The following ARHGAP32 variants were observed in gnomAD, a reference collection of about 807,000 sequenced individuals.
ARHGAP32 encodes Rho GTPase activating protein 32.
A neutral mutation model predicts 186.5 loss-of-function variants in ARHGAP32; 51 were observed. The observed-to-expected ratio is 0.27, with a 90% CI of 0.22 to 0.35. ARHGAP32 has a LOEUF of 0.35. Among genes scored for constraint, ARHGAP32 ranks in the 10% least tolerant of loss-of-function variants. The probability of loss-of-function intolerance (pLI) is 1.00; values close to 1 mark genes in which losing one functional copy is unlikely to be tolerated. For synonymous variants in ARHGAP32, 950 were observed against 964.3 expected (o/e 0.99, Z 0.27); for missense variants, 2,186 against 2,623.5 (o/e 0.83, Z 3.64).
intron 1 of ARHGAP32, among the ~76,000 whole-genome samples, chr11:129,247,168 A>G (rs1039482405): frequency 1.4e-4 from 21 of 152,328 alleles, no homozygotes; most frequent in African/African-American, 5.1e-4. Flanking sequence ...CTTATTCCAC[A>G]ATTCTCAGGA....
chr11:129,025,807 A>G (rs537794417), intron 11 of ARHGAP32, among the ~76,000 whole-genome samples: 3 of 140,400 alleles, frequency 2.1e-5, no homozygotes, highest in Non-Finnish European at 1.6e-5. Context: ...ATCCATGTTT[A>G]TGTTATGTAA....
intron 1 of ARHGAP32, among the ~76,000 whole-genome samples, chr11:129,214,932 T>C (rs1450676953): frequency 6.6e-6 from 1 of 152,188 alleles, no homozygotes; most frequent in East Asian, 1.9e-4. Context: ...AAAACTTTAT[T>C]GACCAAAACA....
At chr11:129,132,711 C>T (rs1055163195) in intron 2 of ARHGAP32, among the ~76,000 whole-genome samples, 4 of 152,094 alleles carry the variant, frequency 2.6e-5, no homozygotes, top group African/African-American at 9.7e-5. Context: ...ATATCAAAAA[C>T]CAGACAAATA....
chr11:128,999,487 T>C (rs970921727), intron 11 of ARHGAP32, among the ~76,000 whole-genome samples: 3 of 152,176 alleles, frequency 2.0e-5, no homozygotes, highest in Non-Finnish European at 2.9e-5. Flanking sequence ...TGATGTTTTA[T>C]TGCCTTGTGA....
chr11:129,051,953 CAAAAAAAAAAAAAA>C lies in ARHGAP32; in HGVS notation c.963+10313_963+10326del, dbSNP rs36014500. Among the ~76,000 whole-genome samples the C allele has an allele frequency of 1.7e-4, 12 of 71,122 alleles. 1 individual carries two copies. In the South Asian group the frequency reaches 5.5e-3, roughly 33 times the overall value. 46.7% of individuals were successfully genotyped at this position (71,122 alleles called of 152,430 possible). ...CTGGTGACACAGCAAGATTCTGTCT[CAAAAAAAAAAAAAA>C]AAAAAAAAAAAAAGAGACATCTTCA... On this transcript the variant is annotated intron_variant, in intron 10 of 22. Transcript: ENST00000682385.
rs114250177 is a variant in ARHGAP32 at position 129,230,764 on chromosome 11, C to A, written c.-5+48382G>T. ...CCATATCAAACATCATACATCAAATCAATAACTGGTTAACTTGTAAAATAT... is the reference window on the plus strand; with the variant it reads ...CCATATCAAACATCATACATCAAATAAATAACTGGTTAACTTGTAAAATAT... On this transcript the variant is annotated intron_variant, in intron 1 of 6. Transcript: ENST00000525234. Among the ~76,000 whole-genome samples the A allele has an allele frequency of 2.1e-3, 323 of 152,160 alleles. 1 individual carries two copies. Among genetic ancestry groups the A allele is most frequent in the African/African-American group, 7.4e-3 (305 of 41,496 alleles).
intron 19 of ARHGAP32, 45 bp downstream of exon 19, chr11:128,978,725 G>A (rs199922338): frequency 1.3e-6 from 2 of 1,561,556 alleles, no homozygotes; most frequent in East Asian, 4.6e-5. Flanking sequence ...AACAACCGAA[G>A]ACCATCATGA....
intron 1 of ARHGAP32, among the ~76,000 whole-genome samples, chr11:129,270,495 C>CTTTTTTTTTTTTTTT: frequency 6.9e-6 from 1 of 145,886 alleles, no homozygotes; most frequent in Middle Eastern, 3.5e-3. Flanking sequence ...AAGAGTCAGT[C>CTTTTTTTTTTTTTTT]TTTTTTTTTT....
At chr11:129,266,530 T>C (rs887174827) in intron 1 of ARHGAP32, among the ~76,000 whole-genome samples, 1 of 152,150 alleles carries the variant, frequency 6.6e-6, no homozygotes, top group Non-Finnish European at 1.5e-5. Flanking sequence ...GGCCCATCTG[T>C]AACACATTCA....
At chr11:129,198,519 T>C (rs948002327) in intron 1 of ARHGAP32, among the ~76,000 whole-genome samples, 1 of 152,202 alleles carries the variant, frequency 6.6e-6, no homozygotes, top group Non-Finnish European at 1.5e-5. Flanking sequence ...TCACGAGATC[T>C]GATGGTTTTA....
chr11:128,990,686 A>G (rs1256691489), intron 12 of ARHGAP32, among the ~76,000 whole-genome samples: 1 of 152,200 alleles, frequency 6.6e-6, no homozygotes, highest in Non-Finnish European at 1.5e-5. Context: ...AATACATAGC[A>G]TCTTTATAAA....
chr11:128,970,285 C>A lies in ARHGAP32; in HGVS notation c.4928G>T (p.Arg1643Leu), dbSNP rs1363607024. 5 of 1,613,958 alleles carry A rather than the reference C, an allele frequency of 3.1e-6. No individual in the cohort carries two copies. The African/African-American group carries it at 4.0e-5, about 13-fold the overall frequency. Residue 1643 changes from arginine (R) to leucine (L), a missense_variant, in exon 23 of 23, where the codon CGC (arginine) becomes CTC (leucine). Coordinates refer to ENST00000682385, the MANE Select transcript of ARHGAP32 (RefSeq NM_001378024.1). This position sits in a 1 kb window ranked among gnomAD's most constrained non-coding sequence, Gnocchi z 5.8. ...AAGCTGAGTGACATGATAATCTGAG[C>A]GGGCCTGGGAGGACTGATATGGCTT... ...QYKPYQSSQARSDYHVTQLQP... is the reference protein window; with the variant it reads ...QYKPYQSSQALSDYHVTQLQP...
upstream of ARHGAP32, among the ~76,000 whole-genome samples, chr11:129,193,689 T>TTATATATTATATATTA (rs556754862): frequency 4.1e-5 from 1 of 24,420 alleles, no homozygotes; most frequent in Non-Finnish European, 7.5e-5. Context: ...ATAATATATA[T>TTATATATTATATATTA]TATATAATAT....
At chr11:129,134,886 T>C (rs1942900881) in intron 2 of ARHGAP32, among the ~76,000 whole-genome samples, 1 of 152,204 alleles carries the variant, frequency 6.6e-6, no homozygotes, top group Non-Finnish European at 1.5e-5. Flanking sequence ...CACCAGACAC[T>C]GAATCTGCTG....
In ARHGAP32 at chr11:129,134,083, A is replaced by C. The variant is rs1022500417; in HGVS notation, c.226-9189T>G. Among the ~76,000 whole-genome samples, 7 of 152,294 alleles carry C rather than the reference A, an allele frequency of 4.6e-5. No individual in the cohort carries two copies. The East Asian group carries it at 1.3e-3, about 29-fold the overall frequency. Reference sequence around the variant, plus strand: ...ATGAAAAGTTTAGTAAATTGGAACCAAGAGTATGTAAAAAAGATAAAAACA... The same window carrying C: ...ATGAAAAGTTTAGTAAATTGGAACCCAGAGTATGTAAAAAAGATAAAAACA... On this transcript the variant is annotated intron_variant, in intron 2 of 22. Transcript: ENST00000682385.
At chr11:129,157,315 G>A (rs1477566274) in intron 2 of ARHGAP32, among the ~76,000 whole-genome samples, 3 of 152,046 alleles carry the variant, frequency 2.0e-5, no homozygotes, top group Non-Finnish European at 4.4e-5. Flanking sequence ...CCAATGCAAG[G>A]AAGCTAAGAA....
intron 1 of ARHGAP32, among the ~76,000 whole-genome samples, chr11:129,253,645 C>T (rs1945215966): frequency 6.6e-6 from 1 of 152,048 alleles, no homozygotes; most frequent in Non-Finnish European, 1.5e-5. Context: ...TCAAAAATTA[C>T]TTATTATTAT....
intron 10 of ARHGAP32, among the ~76,000 whole-genome samples, chr11:129,052,483 C>T (rs536820924): frequency 2.0e-4 from 30 of 152,204 alleles, no homozygotes; most frequent in Admixed American, 7.8e-4. Context: ...TGGGAAGAAA[C>T]GTCATCTTAA....
intron 2 of ARHGAP32, among the ~76,000 whole-genome samples, chr11:129,148,100 A>G (rs117472717): frequency 0.017 from 2,617 of 152,354 alleles, 37 homozygotes; most frequent in South Asian, 0.05. Flanking sequence ...TGGATAGCAG[A>G]CAATGCTAAC....
Sources: gnomAD v4.1 joint callset for allele counts (sites outside exome capture counted in the v4.1 genomes callset) on GRCh38, gnomAD v4.1.1 for gene constraint, Gnocchi (gnomAD v3.1) non-coding constraint, MANE v1.5 for transcripts, NCBI Gene and HGNC (gene_info 2026-07-23, HGNC 2026-07-21) for gene names.